The following NIPSNAP3B variants were observed in gnomAD, a reference collection of about 807,000 sequenced individuals.
NIPSNAP3B encodes nipsnap homolog 3B, also known as protein NipSnap homolog 3B.
In NIPSNAP3B, 30 loss-of-function variants were observed where a neutral mutation model predicts 31.5. The observed-to-expected ratio is 0.95, with a 90% confidence interval of 0.71 to 1.29. The LOEUF (loss-of-function observed/expected upper bound fraction) is 1.29. Among genes scored for constraint, NIPSNAP3B ranks in the 50% most tolerant of loss-of-function variants. NIPSNAP3B has a pLI of 0.00. For synonymous variants in NIPSNAP3B, 106 were observed against 107.9 expected (o/e 0.98, Z 0.11); for missense variants, 269 against 300.7 (o/e 0.89, Z 0.78).
the NIPSNAP3B span, among the ~76,000 whole-genome samples, chr9:104,789,768 A>G: frequency 9.9e-5 from 14 of 141,686 alleles, no homozygotes; most frequent in African/African-American, 3.9e-4. Flanking sequence ...AAAACTCTGA[A>G]AGCCACTGCC....
At chr9:104,778,261 G>A (rs143998148), downstream of NIPSNAP3B, among the ~76,000 whole-genome samples, 1,765 of 151,622 alleles carry the variant, frequency 0.012, 28 homozygotes, top group African/African-American at 0.04. Context: ...ATGGAGTTTC[G>A]CTCTTGTTGC....
intron 1 of NIPSNAP3B, 56 bp downstream of exon 1, chr9:104,764,356 G>A: frequency 1.4e-6 from 2 of 1,440,874 alleles, no homozygotes; most frequent in Non-Finnish European, 1.9e-6. Flanking sequence ...GAGGGGCGGG[G>A]GGTATTTCTG....
chr9:104,768,745 CATA>C (rs2118789010), intron 2 of NIPSNAP3B, 115 bp from the exon 3 acceptor site: 2 of 762,038 alleles, frequency 2.6e-6, no homozygotes, highest in East Asian at 5.6e-5. Context: ...TCTCCAGCGA[CATA>C]ATAACATGGG....
At chr9:104,790,303 A>G in the NIPSNAP3B span, among the ~76,000 whole-genome samples, 1 of 152,196 alleles carries the variant, frequency 6.6e-6, no homozygotes, top group Non-Finnish European at 1.5e-5. Context: ...TCCTGAGGAA[A>G]TAATAAAAGA....
At chr9:104,785,737 G>T in the NIPSNAP3B span, 611 of 1,482,394 alleles carry the variant, frequency 4.1e-4, 3 homozygotes, top group African/African-American at 7.8e-3. Context: ...GAAAAAGGGC[G>T]GCCCCTGGCA....
the NIPSNAP3B span, chr9:104,787,953 C>A: frequency 6.2e-7 from 1 of 1,614,220 alleles, no homozygotes; most frequent in Non-Finnish European, 8.5e-7. Flanking sequence ...CGATCAAAGC[C>A]ATGGCTGTAG....
downstream of NIPSNAP3B, among the ~76,000 whole-genome samples, chr9:104,780,619 G>A (rs1478654661): frequency 1.3e-5 from 2 of 151,992 alleles, no homozygotes; most frequent in African/African-American, 4.8e-5. Flanking sequence ...CTGCTACATT[G>A]TGTCCTTATA....
At chr9:104,768,753 C>T in intron 2 of NIPSNAP3B, 110 bp from the exon 3 acceptor site, 1 of 828,004 alleles carries the variant, frequency 1.2e-6, no homozygotes, top group Non-Finnish European at 1.8e-6. Flanking sequence ...GACATAATAA[C>T]ATGGGGTTCC....
chr9:104,764,610 G>A (rs1466732770), intron 1 of NIPSNAP3B, among the ~76,000 whole-genome samples: 1 of 152,198 alleles, frequency 6.6e-6, no homozygotes, highest in African/African-American at 2.4e-5. Context: ...CGTAGTCTCG[G>A]CTCAGTGCAA....
chr9:104,780,891 T>C (rs2482432), downstream of NIPSNAP3B: 55,676 of 152,436 alleles, frequency 0.37, 10,899 homozygotes, highest in Non-Finnish European at 0.45. Flanking sequence ...AAGGGAACAT[T>C]TGAATCTTTT....
At chr9:104,789,179 A>AC in the NIPSNAP3B span, among the ~76,000 whole-genome samples, 3 of 151,868 alleles carry the variant, frequency 2.0e-5, no homozygotes, top group African/African-American at 7.3e-5. Context: ...TCTAATTAGC[A>AC]CCCCCAGGGT....
intron 1 of NIPSNAP3B, 55 bp downstream of exon 1, chr9:104,764,355 G>T (rs889153892): frequency 2.1e-6 from 3 of 1,448,072 alleles, no homozygotes; most frequent in Non-Finnish European, 2.8e-6. Flanking sequence ...GGAGGGGCGG[G>T]GGGTATTTCT....
the NIPSNAP3B span, chr9:104,785,537 T>C: frequency 8.1e-6 from 13 of 1,614,068 alleles, no homozygotes; most frequent in East Asian, 2.2e-5. Context: ...GTTTCTCTTT[T>C]AGAACACTTC....
intron 2 of NIPSNAP3B, among the ~76,000 whole-genome samples, chr9:104,767,065 A>AT (rs35535065): frequency 0.6 from 90,573 of 150,768 alleles, 28,362 homozygotes; most frequent in South Asian, 0.71. Context: ...GGATAAGATA[A>AT]TTTTTTTTTT....
At position 104,775,887 on chromosome 9, in the gene NIPSNAP3B, T is replaced by C. The variant is rs1828325634; in HGVS notation, c.*2814T>C. Reference sequence around the variant, plus strand: ...CAGGTCCCAAATATCTAGAATTTGATTGCTTCACATCCCTATAGCAACTCT... The same window carrying C: ...CAGGTCCCAAATATCTAGAATTTGACTGCTTCACATCCCTATAGCAACTCT... On this transcript the variant is annotated 3_prime_UTR_variant, in exon 6 of 6. Coordinates refer to ENST00000374762, the MANE Select transcript of NIPSNAP3B (RefSeq NM_018376.4). 6.6e-6 allele frequency among the ~76,000 whole-genome samples: 1 copy of C among 152,198 alleles called. No individual in the cohort carries two copies. The highest frequency in any genetic ancestry group is 2.4e-5 in the African/African-American group (1 of 41,450).
chr9:104,790,839 G>T, the NIPSNAP3B span: 1 of 971,722 alleles, frequency 1.0e-6, no homozygotes, highest in Non-Finnish European at 1.6e-6. Context: ...AAATACCACT[G>T]TAATCAAAAA....
At chr9:104,768,005 T>G (rs1353250031) in intron 2 of NIPSNAP3B, among the ~76,000 whole-genome samples, 2 of 152,210 alleles carry the variant, frequency 1.3e-5, no homozygotes, top group African/African-American at 4.8e-5. Context: ...TCCTTCCATA[T>G]ACTTTAAAGC....
In NIPSNAP3B at chr9:104,775,651, G is replaced by A. The variant is rs1287095580; in HGVS notation, c.*2578G>A. Among the ~76,000 whole-genome samples the A allele has an allele frequency of 4.6e-5, 7 of 152,076 alleles. No homozygotes were observed. Among genetic ancestry groups the A allele is most frequent in the African/African-American group, 1.7e-4 (7 of 41,472 alleles). On this transcript the variant is annotated 3_prime_UTR_variant, in exon 6 of 6. Transcript: ENST00000374762. ...TCACACATGTGAATTTGAATTCCAGGCTCATCACATCCAGGTGTGTTCCCC... is the reference window on the plus strand; with the variant it reads ...TCACACATGTGAATTTGAATTCCAGACTCATCACATCCAGGTGTGTTCCCC...
At chr9:104,786,501 A>C in the NIPSNAP3B span, 1 of 961,054 alleles carries the variant, frequency 1.0e-6, no homozygotes, top group East Asian at 2.4e-5. Flanking sequence ...TTCTGTTACA[A>C]GTACATGTGG....
Sources: allele counts gnomAD v4.1 joint callset (sites outside exome capture counted in the v4.1 genomes callset), GRCh38; gene constraint gnomAD v4.1.1; transcripts MANE v1.5; gene names NCBI Gene and HGNC (gene_info 2026-07-23, HGNC 2026-07-21).